GALNTL6: variants seen among roughly 807,000 people sequenced by gnomAD.
GALNTL6 encodes polypeptide N-acetylgalactosaminyltransferase-like 6.
In GALNTL6, 46 loss-of-function variants were observed where a neutral mutation model predicts 73.7. That is an observed-to-expected ratio of 0.62 (90% CI 0.49 to 0.80). The LOEUF (loss-of-function observed/expected upper bound fraction) is 0.80, where lower values mean the gene tolerates loss of function less well. Ranked by LOEUF, GALNTL6 falls within the 30% of genes least tolerant of loss-of-function variation. The pLI, the probability that GALNTL6 is intolerant of heterozygous loss-of-function variation, is 0.00. For missense variants in GALNTL6, 604 were observed against 755.0 expected, an observed-to-expected ratio of 0.80 and a Z score of 2.34; for synonymous variants, 259 against 263.7, an observed-to-expected ratio of 0.98 and a Z score of 0.17.
At chr4:172,105,060 T>C (rs1451042626) in intron 2 of GALNTL6, among the ~76,000 whole-genome samples, 1 of 151,612 alleles carries the variant, frequency 6.6e-6, no homozygotes, top group African/African-American at 2.4e-5. Context: ...GCAAATAGAT[T>C]GCCAATAAAT....
chr4:171,941,010 T>C (rs1292300353), intron 2 of GALNTL6, among the ~76,000 whole-genome samples: 1 of 151,912 alleles, frequency 6.6e-6, no homozygotes, highest in Non-Finnish European at 1.5e-5. Context: ...TAAAAAAATT[T>C]AAAAGTCAGG....
intron 5 of GALNTL6, among the ~76,000 whole-genome samples, chr4:172,766,470 C>T (rs1308649984): frequency 6.6e-6 from 1 of 151,946 alleles, no homozygotes; most frequent in Non-Finnish European, 1.5e-5. Flanking sequence ...TGGATGCGTT[C>T]AATGTCTCTA....
At chr4:172,794,884 A>G (rs976399853) in intron 5 of GALNTL6, among the ~76,000 whole-genome samples, 2 of 152,210 alleles carry the variant, frequency 1.3e-5, no homozygotes, top group African/African-American at 2.4e-5. Flanking sequence ...TCTAAACGAG[A>G]GCTGTTTCTT....
At chr4:172,605,974 C>T (rs1252536954) in intron 5 of GALNTL6, among the ~76,000 whole-genome samples, 1 of 150,950 alleles carries the variant, frequency 6.6e-6, no homozygotes, top group Non-Finnish European at 1.5e-5. Context: ...GGTGTGAATT[C>T]CTGGTGGCTC....
chr4:172,723,154 C>G (rs896882337), intron 5 of GALNTL6, among the ~76,000 whole-genome samples: 2 of 152,144 alleles, frequency 1.3e-5, no homozygotes, highest in African/African-American at 2.4e-5. Context: ...TCTAAAGGAT[C>G]TGCGTGGTTA....
chr4:172,121,521 T>A (rs2110999551), intron 2 of GALNTL6, among the ~76,000 whole-genome samples: 1 of 152,318 alleles, frequency 6.6e-6, no homozygotes. Context: ...ATGATCAATT[T>A]CCTGTATTTA....
intron 2 of GALNTL6, among the ~76,000 whole-genome samples, chr4:171,875,404 C>G (rs1216613923): frequency 1.3e-5 from 2 of 152,110 alleles, no homozygotes; most frequent in Admixed American, 1.3e-4. Context: ...TCTTTTTCTA[C>G]TTTCCTAATT....
intron 3 of GALNTL6, among the ~76,000 whole-genome samples, chr4:172,231,418 A>AT (rs1737067789): frequency 6.6e-6 from 1 of 152,208 alleles, no homozygotes; most frequent in East Asian, 1.9e-4. Context: ...ATTAAGTAAA[A>AT]TTGAGTTCCT....
chr4:172,600,777 A>G (rs980838245), intron 5 of GALNTL6, among the ~76,000 whole-genome samples: 5 of 152,172 alleles, frequency 3.3e-5, no homozygotes, highest in African/African-American at 1.2e-4. Flanking sequence ...CTACACAAAC[A>G]AAACTTGAAA....
Position 171,955,324 on chromosome 4 carries a change from T to C in GALNTL6, c.138+140606T>C, listed in dbSNP as rs541030587. ...ACCATTTTTATTCATATAATATATA[T>C]ACACCTTTTTATTTGTATAAAATAT... On this transcript the variant is annotated intron_variant, in intron 2 of 12. Coordinates refer to ENST00000506823, the MANE Select transcript of GALNTL6 (RefSeq NM_001034845.3). 7.5e-4 allele frequency among the ~76,000 whole-genome samples: 114 copies of C among 152,082 alleles called. 1 individual carries two copies. The highest frequency in any genetic ancestry group is 2.5e-3 in the African/African-American group (105 of 41,510).
At chr4:172,366,237 T>C (rs1321829680) in intron 5 of GALNTL6, among the ~76,000 whole-genome samples, 2 of 152,204 alleles carry the variant, frequency 1.3e-5, no homozygotes, top group Non-Finnish European at 2.9e-5. Context: ...TAGTTAAATC[T>C]GAATTTCAGA....
intron 8 of GALNTL6, among the ~76,000 whole-genome samples, chr4:172,913,681 A>G (rs1263953744): frequency 6.6e-6 from 1 of 152,120 alleles, no homozygotes; most frequent in African/African-American, 2.4e-5. Flanking sequence ...GTGAGAAGAG[A>G]AGTTGAAAGA....
chr4:172,774,437 G>C (rs187990320), intron 5 of GALNTL6, among the ~76,000 whole-genome samples: 2 of 152,128 alleles, frequency 1.3e-5, no homozygotes, highest in Non-Finnish European at 2.9e-5. Context: ...GCAGGTTCTA[G>C]CTTATTAAAA....
chr4:171,897,632 T>A (rs1736963497), intron 2 of GALNTL6, among the ~76,000 whole-genome samples: 1 of 152,070 alleles, frequency 6.6e-6, no homozygotes, highest in South Asian at 2.1e-4. Flanking sequence ...ACCAGCCTGG[T>A]CAAGATGGTG....
At position 172,109,013 on chromosome 4, in the gene GALNTL6, CAAAAAAAAA is replaced by C. The variant is rs202017302; in HGVS notation, c.139-120622_139-120614del. Among the ~76,000 whole-genome samples, 119 of 108,314 alleles carry C rather than the reference CAAAAAAAAA, an allele frequency of 1.1e-3. 1 individual carries two copies. The East Asian group carries it at 0.033, about 30-fold the overall frequency. 71.1% of individuals were successfully genotyped at this position (108,314 alleles called of 152,430 possible). A position where few individuals can be genotyped will look rare whatever the true frequency, so the allele number is the denominator to read the frequency against. On this transcript the variant is annotated intron_variant, in intron 2 of 12. Coordinates refer to ENST00000506823, the MANE Select transcript of GALNTL6 (RefSeq NM_001034845.3). ...GGGTGACAGAGTGAGACTCCATCTC[CAAAAAAAAA>C]AAAAAAAAAAAAAAAAAAAAGATAT...
intron 7 of GALNTL6, among the ~76,000 whole-genome samples, chr4:172,829,209 A>T (rs985849899): frequency 2.6e-5 from 4 of 152,240 alleles, no homozygotes; most frequent in Non-Finnish European, 5.9e-5. Context: ...AAACACAGAC[A>T]GGAGAGGAAG....
At chr4:172,554,802 C>A (rs1161402952) in intron 5 of GALNTL6, among the ~76,000 whole-genome samples, 2 of 152,104 alleles carry the variant, frequency 1.3e-5, no homozygotes, top group African/African-American at 4.8e-5. Context: ...CGCAATTTGT[C>A]CATTCTACTA....
intron 2 of GALNTL6, among the ~76,000 whole-genome samples, chr4:172,104,549 T>C (rs914669596): frequency 3.3e-5 from 5 of 152,146 alleles, no homozygotes; most frequent in African/African-American, 9.6e-5. Flanking sequence ...TTTTCATTAT[T>C]TGAAATAATG....
intron 2 of GALNTL6, among the ~76,000 whole-genome samples, chr4:171,999,875 G>C (rs1031662977): frequency 6.6e-6 from 1 of 152,106 alleles, no homozygotes; most frequent in Non-Finnish European, 1.5e-5. Flanking sequence ...TGTCTTCATA[G>C]ATCTCCAATT....
Sources: allele counts gnomAD v4.1 joint callset (sites outside exome capture counted in the v4.1 genomes callset), GRCh38; gene constraint gnomAD v4.1.1; transcripts MANE v1.5; gene names NCBI Gene and HGNC (gene_info 2026-07-23, HGNC 2026-07-21).